Variants in COL5A1 observed in about 807,000 individuals in gnomAD.
COL5A1 encodes the protein collagen type V alpha 1 chain, also known as collagen alpha-1(V) chain.
In COL5A1, 16 loss-of-function variants were observed where a neutral mutation model predicts 263.7. The observed-to-expected ratio is 0.06, with a 90% CI of 0.04 to 0.09. The LOEUF is 0.09. Among genes scored for constraint, COL5A1 ranks in the 10% least tolerant of loss-of-function variants. The probability of loss-of-function intolerance (pLI) is 1.00; values close to 1 mark genes in which losing one functional copy is unlikely to be tolerated. For synonymous variants in COL5A1, 1,012 were observed against 1,004.5 expected (o/e 1.01, Z -0.14); for missense variants, 2,036 against 2,540.5 (o/e 0.80, Z 4.27).
chr9:134,650,953 C>T (rs536115803), intron 1 of COL5A1, among the ~76,000 whole-genome samples: 119 of 152,376 alleles, frequency 7.8e-4, no homozygotes, highest in Non-Finnish European at 1.4e-3. Context: ...AGTGGTCACA[C>T]GGCCTGCATG....
chr9:134,702,100 T>G (rs950668367), intron 4 of COL5A1, among the ~76,000 whole-genome samples: 4 of 152,322 alleles, frequency 2.6e-5, no homozygotes, highest in African/African-American at 9.6e-5. Flanking sequence ...GGCGACAGCC[T>G]GCACAGGGTC....
At chr9:134,711,409 A>T (rs980981520) in intron 4 of COL5A1, among the ~76,000 whole-genome samples, 7 of 152,012 alleles carry the variant, frequency 4.6e-5, no homozygotes, top group Admixed American at 2.0e-4. Flanking sequence ...GCACATGGAA[A>T]ATCTGTCTCA....
In COL5A1 at chr9:134,734,577, T is replaced by C. The variant is rs532587336; in HGVS notation, c.1389+2450T>C. The stretch of plus-strand genomic sequence containing the variant: ...TTGTCTGCCCCACCTGAGCTCCCTC[T>C]TGGGAGATGCATCTGTTCCAGGGGC... On this transcript the variant is annotated intron_variant, in intron 9 of 65. Transcript: ENST00000371817. Among the ~76,000 whole-genome samples, 36 of 152,362 alleles carry C rather than the reference T, an allele frequency of 2.4e-4. 1 individual carries two copies. The highest frequency in any genetic ancestry group is 4.3e-4 in the Non-Finnish European group (29 of 68,036).
intron 13 of COL5A1, among the ~76,000 whole-genome samples, chr9:134,752,356 C>T (rs1030131364): frequency 6.6e-5 from 10 of 151,932 alleles, no homozygotes; most frequent in African/African-American, 1.5e-4. Context: ...AACGGGGGCC[C>T]ACTGGCTTGC....
At chr9:134,822,855 C>T (rs372185007) in intron 59 of COL5A1, 143 bp from the exon 60 acceptor site, 25 of 966,572 alleles carry the variant, frequency 2.6e-5, no homozygotes, top group Admixed American at 1.2e-4. Context: ...CCACTCTAGC[C>T]GGGCAAATAC....
intron 48 of COL5A1, among the ~76,000 whole-genome samples, chr9:134,813,022 G>A (rs1838599941): frequency 6.6e-6 from 1 of 152,104 alleles, no homozygotes; most frequent in African/African-American, 2.4e-5. Context: ...CACCAGCAAA[G>A]CCCCTGCCTC....
intron 32 of COL5A1, among the ~76,000 whole-genome samples, chr9:134,792,898 T>C (rs565867932): frequency 5.1e-3 from 159 of 31,024 alleles, no homozygotes; most frequent in African/African-American, 0.017. Context: ...TGTGCGCGCG[T>C]GTGTGCACGC....
chr9:134,783,899 TTC>T (rs1837356556), intron 29 of COL5A1, among the ~76,000 whole-genome samples: 1 of 152,220 alleles, frequency 6.6e-6, no homozygotes, highest in African/African-American at 2.4e-5. Context: ...GAAAGTCCTT[TTC>T]TCCTCCTTTC....
At chr9:134,646,765 G>C (rs1831489875) in intron 1 of COL5A1, among the ~76,000 whole-genome samples, 1 of 152,140 alleles carries the variant, frequency 6.6e-6, no homozygotes, top group East Asian at 1.9e-4. Flanking sequence ...GGGTACCTGT[G>C]CTGGGTGACA....
At chr9:134,654,821 G>T (rs1164294980) in intron 1 of COL5A1, among the ~76,000 whole-genome samples, 1 of 127,072 alleles carries the variant, frequency 7.9e-6, no homozygotes, top group African/African-American at 3.0e-5. Flanking sequence ...GGCGGGGTTT[G>T]TAGTGCTGGT....
chr9:134,708,735 C>A (rs1413353876), intron 4 of COL5A1: 1 of 494,790 alleles, frequency 2.0e-6, no homozygotes, highest in African/African-American at 1.9e-5. Flanking sequence ...TCTGCATGAT[C>A]TCCTGGGACT....
At chr9:134,727,992 CA>C (rs1192555248) in intron 5 of COL5A1, among the ~76,000 whole-genome samples, 1 of 152,250 alleles carries the variant, frequency 6.6e-6, no homozygotes, top group Non-Finnish European at 1.5e-5. Context: ...AATGCTCTCC[CA>C]CTCCCTGGGC....
intron 9 of COL5A1, 33 bp downstream of exon 9, chr9:134,732,160 G>A (rs1163950217): frequency 1.9e-5 from 31 of 1,612,604 alleles, no homozygotes; most frequent in South Asian, 1.4e-4. Flanking sequence ...TCCCTGCGCC[G>A]GGGTGTCCGC....
intron 32 of COL5A1, among the ~76,000 whole-genome samples, chr9:134,792,407 G>A (rs532716336): frequency 4.5e-4 from 69 of 152,060 alleles, no homozygotes; most frequent in Middle Eastern, 3.4e-3. Flanking sequence ...ACAGAGTCTC[G>A]CTCTGTCACC....
rs1318518071 is a variant in COL5A1, at chr9:134,730,269, A to G, written c.958A>G (p.Met320Val). The G allele has an allele frequency of 1.9e-6, 3 of 1,614,164 alleles. No homozygotes were observed. Among genetic ancestry groups the G allele is most frequent in the Non-Finnish European group, 2.5e-6 (3 of 1,180,030 alleles). The change falls in exon 7 of 66, where the codon ATG (methionine) becomes GTG (valine). Residue 320 changes from methionine (M) to valine (V), a missense_variant. Physicochemically the swap from Met to Val is conservative, Grantham distance 21 (BLOSUM62 1). Transcript: ENST00000371817. The part of the protein sequence containing the change: ...LTPTPTEAAP[M>V]PETSEGAGKE... ...CCCGACCCCCACGGAAGCTGCTCCC[A>G]TGCCTGAAACCAGTGAAGGGGCTGG...
chr9:134,714,641 G>C (rs796766291), intron 4 of COL5A1, among the ~76,000 whole-genome samples: 1 of 136,054 alleles, frequency 7.4e-6, no homozygotes, highest in African/African-American at 3.0e-5. Context: ...GGAGGTGATG[G>C]TGGTGGTGGT....
chr9:134,747,894 TAC>T (rs201871005), intron 11 of COL5A1, among the ~76,000 whole-genome samples: 45 of 133,198 alleles, frequency 3.4e-4, no homozygotes, highest in Non-Finnish European at 5.6e-4. Context: ...CATGCATTCA[TAC>T]ACACATGCAG....
chr9:134,641,958 G>T lies in COL5A1; in HGVS notation c.-230G>T. Reference sequence around the variant, plus strand: ...GGGCGAGCTAGCCCAGCGGGGTCCCGGCCGCCCCGCGGGCCAAAGTCGAGC... The same window carrying T: ...GGGCGAGCTAGCCCAGCGGGGTCCCTGCCGCCCCGCGGGCCAAAGTCGAGC... On this transcript the variant is annotated 5_prime_UTR_variant, in exon 1 of 66. Coordinates refer to ENST00000371817, the MANE Select transcript of COL5A1 (RefSeq NM_000093.5). The T allele has an allele frequency of 2.5e-6, 1 of 394,132 alleles. No homozygotes were observed. Among genetic ancestry groups the T allele is most frequent in the East Asian group, 3.6e-5 (1 of 27,516 alleles). The allele number at this position is 394,132 out of a possible 1,614,324, so 24.4% of individuals were successfully genotyped here. A position where few individuals can be genotyped will look rare whatever the true frequency, so the allele number is the denominator to read the frequency against.
intron 65 of COL5A1, among the ~76,000 whole-genome samples, chr9:134,837,176 G>A (rs1023780611): frequency 3.3e-5 from 5 of 152,188 alleles, no homozygotes; most frequent in African/African-American, 1.2e-4. Flanking sequence ...TAAACATGGA[G>A]GTGAAGAGAA....
Sources: allele counts gnomAD v4.1 joint callset (sites outside exome capture counted in the v4.1 genomes callset), GRCh38; gene constraint gnomAD v4.1.1; transcripts MANE v1.5; gene names NCBI Gene and HGNC (gene_info 2026-07-23, HGNC 2026-07-21).